The following LIME1 variants were observed in gnomAD, a reference collection of about 807,000 sequenced individuals.
The protein encoded by LIME1 is Lck interacting transmembrane adaptor 1.
A neutral mutation model predicts 18.8 loss-of-function variants in LIME1; 23 were observed. The observed-to-expected ratio is 1.22, with a 90% confidence interval of 0.88 to 1.73. The LOEUF (loss-of-function observed/expected upper bound fraction) is 1.73, where lower values mean the gene tolerates loss of function less well. Among genes scored for constraint, LIME1 ranks in the 40% most tolerant of loss-of-function variants. The pLI, the probability that LIME1 is intolerant of heterozygous loss-of-function variation, is 0.00. For synonymous variants in LIME1, 177 were observed against 182.3 expected (o/e 0.97, Z 0.23); for missense variants, 423 against 396.8 (o/e 1.07, Z -0.56).
In LIME1 at chr20:63,738,903, A is replaced by G. The variant is rs1170832825; in HGVS notation, c.*3A>G. On this transcript the variant is annotated 3_prime_UTR_variant, in exon 6 of 6. Coordinates refer to ENST00000309546, the MANE Select transcript of LIME1 (RefSeq NM_017806.4). ...CCCTCCCTGCCTCCCTGCCCTGAAC[A>G]CTCAAGGACCTGTGCTCCTTCCTCC... is the stretch of plus-strand genomic sequence containing the variant. 6.3e-7 allele frequency: 1 copy of G among 1,586,844 alleles called. No individual in the cohort carries two copies. Among genetic ancestry groups the G allele is most frequent in the East Asian group, 2.3e-5 (1 of 44,110 alleles).
intron 1 of LIME1, chr20:63,737,323 C>A: frequency 7.7e-7 from 1 of 1,292,674 alleles, no homozygotes; most frequent in Non-Finnish European, 9.8e-7. Flanking sequence ...CCAGGCAGAG[C>A]AGCCCTAGTT....
Position 63,738,184 on chromosome 20 carries a change from C to T in LIME1, c.270C>T (p.Ala90=). The T allele has an allele frequency of 6.4e-7, 1 of 1,569,312 alleles. No homozygotes were observed. The highest frequency in any genetic ancestry group is 8.6e-7 in the Non-Finnish European group (1 of 1,162,788). ...ACTCTGCCCTGACCCCACCCCCAGC[C>T]CTGCGGCCTGCCAGCATGGATCTCC... ...ELHRGPRSSR[A]LRPASMDLLR... is the part of the protein sequence containing the mutation. The change falls in exon 5 of 6, where the codon GCC becomes GCT. Residue 90 remains alanine, a splice_region_variant and synonymous_variant. Transcript: ENST00000309546.
Position 63,738,993 on chromosome 20 carries a change from GGCT to G in LIME1, c.*96_*98del. The G allele has an allele frequency of 7.9e-7, 1 of 1,272,518 alleles. No homozygotes were observed. The allele number at this position is 1,272,518 out of a possible 1,614,324, so 78.8% of individuals were successfully genotyped here. On this transcript the variant is annotated 3_prime_UTR_variant, in exon 6 of 6. Coordinates refer to ENST00000309546, the MANE Select transcript of LIME1 (RefSeq NM_017806.4). ...TGACAGCGCCAGTCCCAGGTCCCCGGGCTGCCAGCCCGTGAGGTCCGTGAGGTC... is the reference window on the plus strand; with the variant it reads ...TGACAGCGCCAGTCCCAGGTCCCCGGGCCAGCCCGTGAGGTCCGTGAGGTC...
chr20:63,736,229 G>A, upstream of LIME1: 1 of 352,706 alleles, frequency 2.8e-6, no homozygotes, highest in Non-Finnish European at 5.2e-6. Flanking sequence ...GGCTGGAGGG[G>A]CCTAGGAGGC....
chr20:63,738,529 G>C (rs1468819493), intron 5 of LIME1, 30 bp downstream of exon 5: 1 of 1,508,176 alleles, frequency 6.6e-7, no homozygotes, highest in Non-Finnish European at 8.9e-7. Context: ...GGCGCTGTGG[G>C]TGGGGCCGGC....
upstream of LIME1, chr20:63,736,346 C>G (rs1021634774): frequency 5.6e-6 from 1 of 179,186 alleles, no homozygotes; most frequent in Non-Finnish European, 1.2e-5. Flanking sequence ...GCTGCTCCAG[C>G]GGGCGAGACG....
upstream of LIME1, chr20:63,736,642 C>T (rs917657478): frequency 9.3e-5 from 92 of 985,904 alleles, no homozygotes; most frequent in Middle Eastern, 5.2e-4. Flanking sequence ...GTGGGGAGCT[C>T]AGCCGAGGGC....
rs2092020718 is a variant in LIME1 at position 63,738,421 on chromosome 20, C to T, written c.507C>T (p.Arg169=). The part of the protein sequence containing the change: ...AASPVVAEYA[R]VQKRKGTHRS... ...GCCCTGTGGTGGCCGAGTATGCCCG[C>T]GTCCAGAAGCGCAAAGGGACCCATC... The change falls in exon 5 of 6, where the codon CGC becomes CGT. Residue 169 remains arginine, a synonymous_variant. Transcript: ENST00000309546. 6.5e-7 allele frequency: 1 copy of T among 1,544,696 alleles called. No homozygotes were observed. The highest frequency in any genetic ancestry group is 8.7e-7 in the Non-Finnish European group (1 of 1,145,962).
chr20:63,737,715 G>A (rs2092007640), intron 2 of LIME1, 68 bp downstream of exon 2: 1 of 1,452,870 alleles, frequency 6.9e-7, no homozygotes, highest in African/African-American at 1.5e-5. Context: ...AGCGCGGGAA[G>A]GGGCTGGAGG....
In LIME1 at chr20:63,738,596, A is replaced by T; in HGVS notation, c.586-2A>T. On this transcript the variant is annotated splice_acceptor_variant, in intron 5 of 5. Transcript: ENST00000309546. LOFTEE classifies it high-confidence loss of function. The stretch of plus-strand genomic sequence containing the variant: ...CTCCTCGGGTTGGCTTCCTGTCTCC[A>T]GGTGGACGTCCTGTACTCCAGGGTC... The T allele has an allele frequency of 1.3e-6, 2 of 1,545,326 alleles. No individual in the cohort carries two copies. Among genetic ancestry groups the T allele is most frequent in the Non-Finnish European group, 1.7e-6 (2 of 1,146,962 alleles).
At position 63,738,054 on chromosome 20, in the gene LIME1, A is replaced by T. The variant is rs1428798038; in HGVS notation, c.262A>T (p.Ser88Cys). The change falls in exon 4 of 6, where the codon AGC (serine) becomes TGC (cysteine). Residue 88 changes from serine (S) to cysteine (C), a missense_variant. Coordinates refer to ENST00000309546, the MANE Select transcript of LIME1 (RefSeq NM_017806.4). ...LHELHRGPRS[S>C]RALRPASMDL... ...CGAGCTGCACCGGGGCCCGCGCAGC[A>T]GCAGGGGTGAGCAGAGGGCGGGGCG... The T allele has an allele frequency of 4.9e-6, 6 of 1,212,418 alleles. No individual in the cohort carries two copies. The East Asian group carries it at 1.0e-4, about 20-fold the overall frequency. The allele number at this position is 1,212,418 out of a possible 1,614,324, so 75.1% of individuals were successfully genotyped here. A position where few individuals can be genotyped will look rare whatever the true frequency, so the allele number is the denominator to read the frequency against.
rs766258581 is a variant in LIME1, at chr20:63,737,575, C to T, written c.26C>T (p.Pro9Leu). The T allele has an allele frequency of 6.2e-7, 1 of 1,601,514 alleles. No homozygotes were observed. The highest frequency in any genetic ancestry group is 1.1e-5 in the South Asian group (1 of 89,022). Residue 9 changes from proline to leucine, a missense_variant, in exon 2 of 6, where the codon CCT becomes CTT. Physicochemically the swap from Pro to Leu is moderately conservative, Grantham distance 98. Transcript: ENST00000309546. ...ATGGGGCTGCCAGTGTCCTGGGCCC[C>T]TCCTGCCCTCTGGGTTCTAGGGTGC... MGLPVSWA[P>L]PALWVLGCCA...
At chr20:63,737,082 C>T in intron 1 of LIME1, 1 of 988,428 alleles carries the variant, frequency 1.0e-6, no homozygotes, top group Non-Finnish European at 1.2e-6. Context: ...TGACCAGCCT[C>T]CAGCTCTTCC....
intron 1 of LIME1, 97 bp from the exon 2 acceptor site, chr20:63,737,436 C>T: frequency 4.3e-6 from 6 of 1,384,498 alleles, no homozygotes; most frequent in Non-Finnish European, 5.6e-6. Flanking sequence ...ACGGGAGACG[C>T]AGGAGCCCCG....
Position 63,738,711 on chromosome 20 carries a change from G to A in LIME1, c.699G>A (p.Leu233=). 2 of 1,612,892 alleles carry A rather than the reference G, an allele frequency of 1.2e-6. No individual in the cohort carries two copies. The highest frequency in any genetic ancestry group is 2.2e-5 in the South Asian group (2 of 91,084). Reference sequence around the variant, plus strand: ...CGATTCTGGCCCTGGCGGGTGACCTGGCCTACCAGACCCTCCCGCTCAGGG... The same window carrying A: ...CGATTCTGGCCCTGGCGGGTGACCTAGCCTACCAGACCCTCCCGCTCAGGG... ...QGAILALAGD[L]AYQTLPLRAL... The change falls in exon 6 of 6, where the codon CTG becomes CTA. Residue 233 remains leucine, a synonymous_variant. Coordinates refer to ENST00000309546, the MANE Select transcript of LIME1 (RefSeq NM_017806.4).
intron 1 of LIME1, 80 bp downstream of exon 1, chr20:63,736,792 A>G (rs1315268652): frequency 4.1e-6 from 4 of 985,508 alleles, no homozygotes; most frequent in Non-Finnish European, 4.8e-6. Flanking sequence ...GCCAGGCTGA[A>G]GCCCACTCCC....
chr20:63,737,347 G>A (rs1472608125), intron 1 of LIME1, 186 bp from the exon 2 acceptor site: 22 of 1,322,370 alleles, frequency 1.7e-5, no homozygotes, highest in Non-Finnish European at 2.0e-5. Flanking sequence ...CTCACCGGGA[G>A]CCCCCGCCAG....
upstream of LIME1, chr20:63,736,631 G>A (rs2091992710): frequency 1.0e-6 from 1 of 986,592 alleles, no homozygotes; most frequent in Non-Finnish European, 1.2e-6. Flanking sequence ...GAAGTGATGA[G>A]GTGGGGAGCT....
chr20:63,738,618 G>A lies in LIME1; in HGVS notation c.606G>A (p.Arg202=), dbSNP rs374464189. The A allele has an allele frequency of 3.2e-6, 5 of 1,575,428 alleles. No individual in the cohort carries two copies. Among genetic ancestry groups the A allele is most frequent in the Non-Finnish European group, 3.4e-6 (4 of 1,160,874 alleles). ...PAAQVDVLYS[R]VCKPKRRDPG... Reference sequence around the variant, plus strand: ...TCCAGGTGGACGTCCTGTACTCCAGGGTCTGCAAGCCTAAAAGGAGGGACC... The same window carrying A: ...TCCAGGTGGACGTCCTGTACTCCAGAGTCTGCAAGCCTAAAAGGAGGGACC... The change falls in exon 6 of 6, where the codon AGG becomes AGA. Residue 202 remains arginine (R), a synonymous_variant. Coordinates refer to ENST00000309546, the MANE Select transcript of LIME1 (RefSeq NM_017806.4).
Sources: gnomAD v4.1 joint callset for allele counts on GRCh38, gnomAD v4.1.1 for gene constraint, MANE v1.5 for transcripts, NCBI Gene and HGNC (gene_info 2026-07-23, HGNC 2026-07-21) for gene names.